INHBE: variants seen among roughly 807,000 people sequenced by gnomAD.
The protein encoded by INHBE is inhibin beta E chain.
Under a neutral mutation model 27.8 loss-of-function variants are expected in INHBE, and 19 were observed. The observed-to-expected ratio is 0.68, with a 90% confidence interval of 0.48 to 1.00. The LOEUF (loss-of-function observed/expected upper bound fraction) is 1.00. INHBE is among the 50% of genes least tolerant of loss of function. INHBE has a pLI of 0.00. For synonymous variants in INHBE, 196 were observed against 187.2 expected (o/e 1.05, Z -0.38); for missense variants, 398 against 433.9 (o/e 0.92, Z 0.73).
chr12:57,457,456 T>TTCTTC lies in INHBE; in HGVS notation c.*609_*610insCTTCT, dbSNP rs1555325746. On this transcript the variant is annotated 3_prime_UTR_variant, in exon 2 of 2. Coordinates refer to ENST00000266646, the MANE Select transcript of INHBE (RefSeq NM_031479.5). ...ACAAGCATTTATACTTTCTTTCTTC[T>TTCTTC]TTTTTATTTTTTTGAGATCGAGTCT... 6.6e-6 allele frequency: 1 copy of TTCTTC among 152,084 alleles called. No individual in the cohort carries two copies. The highest frequency in any genetic ancestry group is 1.5e-5 in the Non-Finnish European group (1 of 68,092). 9.4% of individuals were successfully genotyped at this position (152,084 alleles called of 1,614,324 possible).
chr12:57,456,864 C>A lies in INHBE; in HGVS notation c.*16C>A. 1.2e-6 allele frequency: 2 copies of A among 1,606,424 alleles called. No individual in the cohort carries two copies. Among genetic ancestry groups the A allele is most frequent in the Non-Finnish European group, 1.7e-6 (2 of 1,175,372 alleles). On this transcript the variant is annotated 3_prime_UTR_variant, in exon 2 of 2. Transcript: ENST00000266646. ...CTGCAGCTAGCAAGAGGACCTGGGGCTTTGGAGTGAAGAGACCAAGATGAA... is the reference window on the plus strand; with the variant it reads ...CTGCAGCTAGCAAGAGGACCTGGGGATTTGGAGTGAAGAGACCAAGATGAA...
chr12:57,455,786 G>A lies in INHBE; in HGVS notation c.250G>A (p.Val84Met), dbSNP rs970809320. 8.1e-6 allele frequency: 13 copies of A among 1,613,986 alleles called. No homozygotes were observed. Among genetic ancestry groups the A allele is most frequent in the African/African-American group, 1.3e-5 (1 of 74,926 alleles). ...RALRRLQPGS[V>M]APGNGEEVIS... is the part of the protein sequence containing the mutation. Reference sequence around the variant, plus strand: ...CCTCCGGAGACTACAGCCAGGGAGTGTGGCTCCAGGGAATGGGGAGGAGGT... The same window carrying A: ...CCTCCGGAGACTACAGCCAGGGAGTATGGCTCCAGGGAATGGGGAGGAGGT... Residue 84 changes from valine to methionine, a missense_variant, in exon 1 of 2, where the codon GTG becomes ATG. Val to Met is a conservative substitution (Grantham distance 21, BLOSUM62 1). Coordinates refer to ENST00000266646, the MANE Select transcript of INHBE (RefSeq NM_031479.5).
rs145766269 is a variant in INHBE, at chr12:57,456,246, C to A, written c.451C>A (p.Arg151Ser). Residue 151 changes from arginine (R) to serine (S), a missense_variant, in exon 2 of 2, where the codon CGC (arginine) becomes AGC (serine). By Grantham distance (110) the Arg-to-Ser change is moderately radical. Coordinates refer to ENST00000266646, the MANE Select transcript of INHBE (RefSeq NM_031479.5). ...RIFRWGPRRRRQGSRTLLAEH... is the reference protein window; with the variant it reads ...RIFRWGPRRRSQGSRTLLAEH... ...CTTCCGATGGGGACCAAGGAGGAGG[C>A]GCCAAGGGTCCCGCACTCTCCTGGC... The A allele has an allele frequency of 6.2e-7, 1 of 1,614,072 alleles. No individual in the cohort carries two copies. Among genetic ancestry groups the A allele is most frequent in the South Asian group, 1.1e-5 (1 of 91,074 alleles).
In INHBE at chr12:57,456,846, T is replaced by C; in HGVS notation, c.1051T>C (p.Ter351GlnextTer84). 6.2e-7 allele frequency: 1 copy of C among 1,612,026 alleles called. No homozygotes were observed. The highest frequency in any genetic ancestry group is 8.5e-7 in the Non-Finnish European group (1 of 1,178,442). ...DMVVEACGCS[*>Q] ...GGTGGTGGAGGCCTGTGGCTGCAGC[T>C]AGCAAGAGGACCTGGGGCTTTGGAG... Residue 351 changes from the stop codon to glutamine, a stop_lost, in exon 2 of 2, where the codon TAG (stop) becomes CAG (glutamine). Coordinates refer to ENST00000266646, the MANE Select transcript of INHBE (RefSeq NM_031479.5).
chr12:57,455,573 C>G lies in INHBE; in HGVS notation c.37C>G (p.Leu13Val). Residue 13 changes from leucine to valine, a missense_variant, in exon 1 of 2, where the codon CTG becomes GTG. Physicochemically the swap from Leu to Val is conservative, Grantham distance 32. Transcript: ENST00000266646. ...TGATGTCCAGCTCTGGCTGGTGCTG[C>G]TGTGGGCACTGGTGCGAGCACAGGG... is the stretch of plus-strand genomic sequence containing the variant. ...LPDVQLWLVL[L>V]WALVRAQGTG... 1 of 1,613,336 alleles carries G rather than the reference C, an allele frequency of 6.2e-7. No homozygotes were observed. Among genetic ancestry groups the G allele is most frequent in the Non-Finnish European group, 8.5e-7 (1 of 1,179,640 alleles).
intron 1 of INHBE, 61 bp downstream of exon 1, chr12:57,455,895 C>G (rs1870817052): frequency 2.6e-6 from 4 of 1,525,032 alleles, no homozygotes; most frequent in Non-Finnish European, 3.6e-6. Flanking sequence ...AGAAGGGGAG[C>G]CTGGCAGGAG....
Position 57,456,416 on chromosome 12 carries a change from G to C in INHBE, c.621G>C (p.Arg207=), listed in dbSNP as rs771317818. The C allele has an allele frequency of 3.1e-6, 5 of 1,614,130 alleles. No individual in the cohort carries two copies. Residue 207 remains arginine (R), a synonymous_variant, in exon 2 of 2, where the codon CGG becomes CGC. Transcript: ENST00000266646. ...GCACAGTTACTGGACAACCGAGGCG[G>C]CTCTTGGACACAGCAGGACACCAGC... ...GNSTVTGQPR[R]LLDTAGHQQP...
chr12:57,456,260 C>T lies in INHBE; in HGVS notation c.465C>T (p.Arg155=). 1 of 1,614,166 alleles carries T rather than the reference C, an allele frequency of 6.2e-7. No homozygotes were observed. Among genetic ancestry groups the T allele is most frequent in the Non-Finnish European group, 8.5e-7 (1 of 1,180,032 alleles). ...WGPRRRRQGS[R]TLLAEHHITN... is the part of the protein sequence containing the mutation. Reference sequence around the variant, plus strand: ...CAAGGAGGAGGCGCCAAGGGTCCCGCACTCTCCTGGCTGAGCACCACATCA... The same window carrying T: ...CAAGGAGGAGGCGCCAAGGGTCCCGTACTCTCCTGGCTGAGCACCACATCA... Residue 155 remains arginine, a synonymous_variant, in exon 2 of 2, where the codon CGC becomes CGT. Coordinates refer to ENST00000266646, the MANE Select transcript of INHBE (RefSeq NM_031479.5).
chr12:57,456,754 G>A lies in INHBE; in HGVS notation c.959G>A (p.Arg320Gln), dbSNP rs144527638. ...ACCTCCTGTTGTGTCCCTACTGCCC[G>A]AAGGCCCCTCTCTCTCCTCTACCTG... is the stretch of plus-strand genomic sequence containing the variant. The part of the protein sequence containing the change: ...ASTSCCVPTA[R>Q]RPLSLLYLDH... Residue 320 changes from arginine to glutamine, a missense_variant, in exon 2 of 2, where the codon CGA (arginine) becomes CAA (glutamine). By Grantham distance (43) the Arg-to-Gln change is conservative. Coordinates refer to ENST00000266646, the MANE Select transcript of INHBE (RefSeq NM_031479.5). 3.3e-5 allele frequency: 54 copies of A among 1,614,058 alleles called. No individual in the cohort carries two copies. The highest frequency in any genetic ancestry group is 4.5e-5 in the East Asian group (2 of 44,892).
rs1378485871 is a variant in INHBE, at chr12:57,455,520, G to A, written c.-17G>A. On this transcript the variant is annotated 5_prime_UTR_variant, in exon 1 of 2. Transcript: ENST00000266646. ...CTGCCATCCGAGGCTCCTGAACCAG[G>A]GCCATTCACCAGGAGCATGCGGCTC... 3.1e-6 allele frequency: 5 copies of A among 1,589,986 alleles called. No individual in the cohort carries two copies. The Admixed American group carries it at 5.1e-5, about 16-fold the overall frequency.
chr12:57,456,548 C>A lies in INHBE; in HGVS notation c.753C>A (p.Asp251Glu). 6.2e-7 allele frequency: 1 copy of A among 1,614,162 alleles called. No homozygotes were observed. The highest frequency in any genetic ancestry group is 8.5e-7 in the Non-Finnish European group (1 of 1,180,042). ...EPATPLCCRR[D>E]HYVDFQELGW... Reference sequence around the variant, plus strand: ...CGACCCCCTTATGTTGCAGGCGAGACCATTACGTAGACTTCCAGGAACTGG... The same window carrying A: ...CGACCCCCTTATGTTGCAGGCGAGAACATTACGTAGACTTCCAGGAACTGG... The change falls in exon 2 of 2, where the codon GAC (aspartate) becomes GAA (glutamate). Residue 251 changes from aspartate to glutamate, a missense_variant. Coordinates refer to ENST00000266646, the MANE Select transcript of INHBE (RefSeq NM_031479.5).
At position 57,456,302 on chromosome 12, in the gene INHBE, T is replaced by C; in HGVS notation, c.507T>C (p.His169=). 1 of 1,614,128 alleles carries C rather than the reference T, an allele frequency of 6.2e-7. No homozygotes were observed. Among genetic ancestry groups the C allele is most frequent in the Non-Finnish European group, 8.5e-7 (1 of 1,180,024 alleles). The stretch of plus-strand genomic sequence containing the variant: ...ACCACATCACCAACCTGGGCTGGCA[T>C]ACCTTAACTCTGCCCTCTAGTGGCT... ...AEHHITNLGW[H]TLTLPSSGLR... The change falls in exon 2 of 2, where the codon CAT becomes CAC. Residue 169 remains histidine (H), a synonymous_variant. Transcript: ENST00000266646.
At chr12:57,455,909 C>A in intron 1 of INHBE, 75 bp downstream of exon 1, 1 of 1,467,814 alleles carries the variant, frequency 6.8e-7, no homozygotes, top group Non-Finnish European at 9.4e-7. Flanking sequence ...GCAGGAGCAG[C>A]AGAGGGAGTG....
At chr12:57,456,063 A>T in intron 1 of INHBE, 31 bp from the exon 2 acceptor site, 2 of 1,582,982 alleles carry the variant, frequency 1.3e-6, no homozygotes, top group Non-Finnish European at 1.7e-6. Context: ...CTCTACTCAC[A>T]TTTTCTTTCC....
At position 57,456,719 on chromosome 12, in the gene INHBE, G is replaced by GA. The variant is rs751561858; in HGVS notation, c.924_925insA (p.Pro309ThrfsTer23). On this transcript the variant is annotated frameshift_variant, in exon 2 of 2. Transcript: ENST00000266646. LOFTEE classifies it high-confidence loss of function. ...GCCTCCTCAAAGCCAACAATCCTTG[G>GA]CCTGCCAGTACCTCCTGTTGTGTCC... 1.4e-4 allele frequency: 229 copies of GA among 1,614,044 alleles called. No individual in the cohort carries two copies. Among genetic ancestry groups the GA allele is most frequent in the Non-Finnish European group, 1.9e-4 (224 of 1,180,036 alleles).
At position 57,455,694 on chromosome 12, in the gene INHBE, A is replaced by G; in HGVS notation, c.158A>G (p.Asp53Gly). The G allele has an allele frequency of 6.2e-7, 1 of 1,614,044 alleles. No individual in the cohort carries two copies. The highest frequency in any genetic ancestry group is 8.5e-7 in the Non-Finnish European group (1 of 1,179,994). ...GAGCTAGCCAAGCAGCAAATCCTGG[A>G]TGGGTTGCACCTGACCAGTCGTCCC... The part of the protein sequence containing the change: ...VLELAKQQIL[D>G]GLHLTSRPRI... Residue 53 changes from aspartate to glycine, a missense_variant, in exon 1 of 2, where the codon GAT (aspartate) becomes GGT (glycine). By Grantham distance (94) the Asp-to-Gly change is moderately conservative (BLOSUM62 -1). Coordinates refer to ENST00000266646, the MANE Select transcript of INHBE (RefSeq NM_031479.5).
Position 57,456,179 on chromosome 12 carries a change from G to A in INHBE, c.384G>A (p.Leu128=). 1 of 1,614,096 alleles carries A rather than the reference G, an allele frequency of 6.2e-7. No individual in the cohort carries two copies. The highest frequency in any genetic ancestry group is 8.5e-7 in the Non-Finnish European group (1 of 1,180,024). ...ACCTGTACCATGCCCGCCTGTGGCT[G>A]CACGTGCTCCCCACCCTTCCTGGCA... ...SHHLYHARLW[L]HVLPTLPGTL... is the part of the protein sequence containing the mutation. Residue 128 remains leucine, a synonymous_variant, in exon 2 of 2, where the codon CTG becomes CTA. Coordinates refer to ENST00000266646, the MANE Select transcript of INHBE (RefSeq NM_031479.5).
intron 1 of INHBE, 74 bp downstream of exon 1, chr12:57,455,908 G>A: frequency 6.8e-7 from 1 of 1,477,182 alleles, no homozygotes; most frequent in Non-Finnish European, 9.3e-7. Flanking sequence ...GGCAGGAGCA[G>A]CAGAGGGAGT....
At position 57,455,523 on chromosome 12, in the gene INHBE, C is replaced by T. The variant is rs781378208; in HGVS notation, c.-14C>T. On this transcript the variant is annotated 5_prime_UTR_variant, in exon 1 of 2. Coordinates refer to ENST00000266646, the MANE Select transcript of INHBE (RefSeq NM_031479.5). ...CCATCCGAGGCTCCTGAACCAGGGC[C>T]ATTCACCAGGAGCATGCGGCTCCCT... 9.4e-6 allele frequency: 15 copies of T among 1,592,422 alleles called. No individual in the cohort carries two copies. The highest frequency in any genetic ancestry group is 1.3e-5 in the Non-Finnish European group (15 of 1,167,328).
Sources: gnomAD v4.1 joint callset for allele counts on GRCh38, gnomAD v4.1.1 for gene constraint, MANE v1.5 for transcripts, NCBI Gene and HGNC (gene_info 2026-07-23, HGNC 2026-07-21) for gene names.